Variants in NRN1L observed in about 807,000 individuals in gnomAD.
NRN1L encodes the protein neuritin 1 like.
NRN1L carries 12 observed loss-of-function variants against 8.8 expected under a neutral mutation model. The ratio of observed to expected loss-of-function variants is 1.36; its 90% confidence interval spans 0.87 to 2.20. The LOEUF (loss-of-function observed/expected upper bound fraction) is 2.20, where lower values mean the gene tolerates loss of function less well. Among genes scored for constraint, NRN1L ranks in the 30% most tolerant of loss-of-function variants. The pLI is 0.00. For missense variants in NRN1L, 266 were observed against 232.4 expected, an observed-to-expected ratio of 1.14 and a Z score of -0.94; for synonymous variants, 114 against 99.2, an observed-to-expected ratio of 1.15 and a Z score of -0.88.
downstream of NRN1L, among the ~76,000 whole-genome samples, chr16:67,887,569 C>T (rs1205944559): frequency 5.3e-5 from 8 of 150,994 alleles, no homozygotes; most frequent in African/African-American, 1.9e-4. Flanking sequence ...CATGTTTGGC[C>T]TTATTCTTTA....
chr16:67,886,114 C>CGGTGCATG lies in NRN1L; in HGVS notation c.354_361dup (p.Val121GlyfsTer44). The CGGTGCATG allele has an allele frequency of 6.2e-7, 1 of 1,612,902 alleles. No homozygotes were observed. The highest frequency in any genetic ancestry group is 8.5e-7 in the Non-Finnish European group (1 of 1,179,690). ...AACTTGCACACTCTGTGCGGTGCCC[C>CGGTGCATG]GGTGCATGTTCGGGAGCGCGGCACA... On this transcript the variant is annotated frameshift_variant, in exon 3 of 3. Transcript: ENST00000339176. LOFTEE classifies it low-confidence loss of function (END_TRUNC).
chr16:67,885,834 C>A lies in NRN1L; in HGVS notation c.192C>A (p.Gly64=). ...IRLGDSMGRG[G]ELETICRSWN... is the part of the protein sequence containing the mutation. ...TGGGGGACAGCATGGGCCGCGGAGG[C>A]GAGCTGGAGACCATCTGCAGGTACC... Residue 64 remains glycine, a synonymous_variant, in exon 2 of 3, where the codon GGC becomes GGA. Coordinates refer to ENST00000339176, the MANE Select transcript of NRN1L (RefSeq NM_198443.2). The A allele has an allele frequency of 6.3e-7, 1 of 1,576,960 alleles. No individual in the cohort carries two copies. The highest frequency in any genetic ancestry group is 8.6e-7 in the Non-Finnish European group (1 of 1,162,294).
Position 67,886,361 on chromosome 16 carries a change from T to C in NRN1L, c.*102T>C, listed in dbSNP as rs1367170192. 1 of 1,068,044 alleles carries C rather than the reference T, an allele frequency of 9.4e-7. No individual in the cohort carries two copies. Among genetic ancestry groups the C allele is most frequent in the Non-Finnish European group, 1.3e-6 (1 of 764,588 alleles). 66.2% of individuals were successfully genotyped at this position (1,068,044 alleles called of 1,614,324 possible). A position where few individuals can be genotyped will look rare whatever the true frequency, so the allele number is the denominator to read the frequency against. On this transcript the variant is annotated 3_prime_UTR_variant, in exon 3 of 3. Transcript: ENST00000339176. ...CAGGGCTTTTCATTAAAGGTATTTA[T>C]ATTTGTAGTAAGCTCCTTCCTTTCT... is the stretch of plus-strand genomic sequence containing the variant.
intron 1 of NRN1L, 27 bp downstream of exon 1, chr16:67,885,009 C>T (rs1261421180): frequency 6.3e-7 from 1 of 1,587,164 alleles, no homozygotes; most frequent in African/African-American, 1.3e-5. Context: ...GGGGCCCGGG[C>T]CACACCCCCT....
intron 1 of NRN1L, 50 bp downstream of exon 1, chr16:67,885,032 A>T: frequency 6.6e-7 from 1 of 1,509,560 alleles, no homozygotes. Context: ...TCGCCCAGCC[A>T]AGCCAGGCTG....
At position 67,886,136 on chromosome 16, in the gene NRN1L, C is replaced by A. The variant is rs371386370; in HGVS notation, c.375C>A (p.Gly125=). The A allele has an allele frequency of 4.4e-5, 71 of 1,611,812 alleles. No homozygotes were observed. Among genetic ancestry groups the A allele is most frequent in the Non-Finnish European group, 5.4e-5 (64 of 1,179,708 alleles). The stretch of plus-strand genomic sequence containing the variant: ...CCCCGGTGCATGTTCGGGAGCGCGG[C>A]ACAGGCTCCGAAACCAACCAGGAGA... ...CGAPVHVRER[G]TGSETNQETL... The change falls in exon 3 of 3, where the codon GGC becomes GGA. Residue 125 remains glycine, a synonymous_variant. Transcript: ENST00000339176.
downstream of NRN1L, among the ~76,000 whole-genome samples, chr16:67,887,368 G>T (rs1276371668): frequency 1.3e-5 from 2 of 151,894 alleles, no homozygotes; most frequent in Admixed American, 1.3e-4. Context: ...TGCCTCCCGG[G>T]TTCAAGCAAT....
At chr16:67,887,446 AT>A (rs1438250279), downstream of NRN1L, among the ~76,000 whole-genome samples, 1 of 140,276 alleles carries the variant, frequency 7.1e-6, no homozygotes, top group Non-Finnish European at 1.5e-5. Context: ...CTAATTTTAT[AT>A]TTTTAGTAGA....
intron 1 of NRN1L, 32 bp from the exon 2 acceptor site, chr16:67,885,690 C>T: frequency 7.3e-7 from 1 of 1,377,056 alleles, no homozygotes; most frequent in East Asian, 2.3e-5. Context: ...ATCTACCATT[C>T]CTTCCCCACC....
intron 1 of NRN1L, chr16:67,885,336 A>C: frequency 2.1e-6 from 1 of 484,982 alleles, no homozygotes; most frequent in Non-Finnish European, 3.7e-6. Flanking sequence ...GAGAGTTCGG[A>C]GGGCCAAGCA....
At chr16:67,887,841 C>T (rs2058101510), downstream of NRN1L, among the ~76,000 whole-genome samples, 1 of 152,096 alleles carries the variant, frequency 6.6e-6, no homozygotes, top group South Asian at 2.1e-4. Context: ...CTCGGCCTCC[C>T]AGTGTTGGGA....
rs747758615 is a variant in NRN1L, at chr16:67,886,230, C to G, written c.469C>G (p.Leu157Val). 2 of 1,597,882 alleles carry G rather than the reference C, an allele frequency of 1.3e-6. No individual in the cohort carries two copies. The highest frequency in any genetic ancestry group is 2.2e-5 in the East Asian group (1 of 44,718). ...APPLLAAALA[L>V]AYLLRPLA Reference sequence around the variant, plus strand: ...CCCACTGCTGGCGGCTGCTCTGGCTCTGGCCTACCTCCTGAGGCCTCTGGC... The same window carrying G: ...CCCACTGCTGGCGGCTGCTCTGGCTGTGGCCTACCTCCTGAGGCCTCTGGC... Residue 157 changes from leucine (L) to valine (V), a missense_variant, in exon 3 of 3, where the codon CTG becomes GTG. Physicochemically the swap from Leu to Val is conservative, Grantham distance 32 (BLOSUM62 1). Coordinates refer to ENST00000339176, the MANE Select transcript of NRN1L (RefSeq NM_198443.2).
At chr16:67,885,459 C>T (rs79149257) in intron 1 of NRN1L, 8,600 of 496,558 alleles carry the variant, frequency 0.017, 395 homozygotes, top group African/African-American at 0.12. Context: ...ACCCCACCTG[C>T]GGCCCCAGAA....
At chr16:67,886,739 C>T (rs77046594), downstream of NRN1L, among the ~76,000 whole-genome samples, 1 of 152,178 alleles carries the variant, frequency 6.6e-6, no homozygotes, top group Non-Finnish European at 1.5e-5. Context: ...GCTCCACCCC[C>T]TCCCCAGCCT....
At chr16:67,885,068 G>C (rs1598180688) in intron 1 of NRN1L, 86 bp downstream of exon 1, 1 of 1,132,996 alleles carries the variant, frequency 8.8e-7, no homozygotes. Flanking sequence ...GGAACGCTGG[G>C]TGCCAGGGTG....
At chr16:67,888,317 T>G (rs1414309641), downstream of NRN1L, among the ~76,000 whole-genome samples, 3 of 152,110 alleles carry the variant, frequency 2.0e-5, no homozygotes, top group African/African-American at 7.2e-5. Flanking sequence ...GGCATACTGC[T>G]GGGAAGGATG....
chr16:67,885,712 C>CCCCAA lies in NRN1L; in HGVS notation c.80-9_80-8insCCAAC. 4 of 1,510,432 alleles carry CCCCAA rather than the reference C, an allele frequency of 2.6e-6. No homozygotes were observed. The highest frequency in any genetic ancestry group is 3.6e-6 in the Non-Finnish European group (4 of 1,105,278). The allele number at this position is 1,510,432 out of a possible 1,614,324, so 93.6% of individuals were successfully genotyped here. A position where few individuals can be genotyped will look rare whatever the true frequency, so the allele number is the denominator to read the frequency against. On this transcript the variant is annotated splice_polypyrimidine_tract_variant and intron_variant, in intron 1 of 2. Coordinates refer to ENST00000339176, the MANE Select transcript of NRN1L (RefSeq NM_198443.2). ...ATTCCTTCCCCACCCCACCCCCGCC[C>CCCCAA]CACTTCTAGTCCTTTTACCTCCCCT...
At position 67,885,713 on chromosome 16, in the gene NRN1L, C is replaced by CCCCCCCAAA; in HGVS notation, c.80-9_80-8insCCCCCCAAA. The stretch of plus-strand genomic sequence containing the variant: ...TTCCTTCCCCACCCCACCCCCGCCC[C>CCCCCCCAAA]ACTTCTAGTCCTTTTACCTCCCCTG... On this transcript the variant is annotated splice_polypyrimidine_tract_variant and intron_variant, in intron 1 of 2. Coordinates refer to ENST00000339176, the MANE Select transcript of NRN1L (RefSeq NM_198443.2). 6.6e-7 allele frequency: 1 copy of CCCCCCCAAA among 1,509,814 alleles called. No homozygotes were observed. The highest frequency in any genetic ancestry group is 9.1e-7 in the Non-Finnish European group (1 of 1,104,182). The allele number at this position is 1,509,814 out of a possible 1,614,324, so 93.5% of individuals were successfully genotyped here. A position where few individuals can be genotyped will look rare whatever the true frequency, so the allele number is the denominator to read the frequency against.
chr16:67,886,243 T>C lies in NRN1L; in HGVS notation c.482T>C (p.Leu161Pro), dbSNP rs747346234. 9.4e-6 allele frequency: 15 copies of C among 1,593,770 alleles called. No individual in the cohort carries two copies. The highest frequency in any genetic ancestry group is 1.2e-5 in the Non-Finnish European group (14 of 1,176,518). ...GCTGCTCTGGCTCTGGCCTACCTCC[T>C]GAGGCCTCTGGCCTAGCTTGTTGGG... ...LAAALALAYL[L>P]RPLA The change falls in exon 3 of 3, where the codon CTG becomes CCG. Residue 161 changes from leucine (L) to proline (P), a missense_variant. Transcript: ENST00000339176.
Sources: allele counts gnomAD v4.1 joint callset (sites outside exome capture counted in the v4.1 genomes callset), GRCh38; gene constraint gnomAD v4.1.1; transcripts MANE v1.5; gene names NCBI Gene and HGNC (gene_info 2026-07-23, HGNC 2026-07-21).